The following SH3BP2 variants were observed in gnomAD, a reference collection of about 807,000 sequenced individuals.
SH3BP2 encodes SH3 domain binding protein 2, also known as SH3 domain-binding protein 2.
Under a neutral mutation model 56.2 loss-of-function variants are expected in SH3BP2, and 38 were observed. The ratio of observed to expected loss-of-function variants is 0.68; its 90% confidence interval spans 0.52 to 0.89. The LOEUF (loss-of-function observed/expected upper bound fraction) is 0.89, where lower values mean the gene tolerates loss of function less well. SH3BP2 is among the 40% of genes least tolerant of loss of function. The pLI, the probability that SH3BP2 is intolerant of heterozygous loss-of-function variation, is 0.00. For missense variants in SH3BP2, 748 were observed against 762.6 expected, an observed-to-expected ratio of 0.98 and a Z score of 0.23; for synonymous variants, 346 against 316.7, an observed-to-expected ratio of 1.09 and a Z score of -0.98.
At chr4:2,815,959 C>A (rs932555921) in intron 1 of SH3BP2, among the ~76,000 whole-genome samples, 3 of 152,122 alleles carry the variant, frequency 2.0e-5, no homozygotes, top group African/African-American at 7.2e-5. Flanking sequence ...TGAACTAACT[C>A]TTCCTTTCAT....
At chr4:2,814,038 C>T (rs1458826974) in intron 1 of SH3BP2, among the ~76,000 whole-genome samples, 1 of 152,232 alleles carries the variant, frequency 6.6e-6, no homozygotes, top group Non-Finnish European at 1.5e-5. Flanking sequence ...CCTGTGGTCA[C>T]ATGAGGTGCT....
chr4:2,812,595 C>T, intron 1 of SH3BP2: 3 of 1,326,904 alleles, frequency 2.3e-6, no homozygotes, highest in Non-Finnish European at 3.1e-6. Flanking sequence ...GCCGTGGGAG[C>T]CCACAGGAGG....
At chr4:2,815,374 C>T (rs1029527280) in intron 1 of SH3BP2, among the ~76,000 whole-genome samples, 6 of 152,206 alleles carry the variant, frequency 3.9e-5, no homozygotes, top group Admixed American at 2.6e-4. Context: ...GAGGGTGCCA[C>T]ATGACCTGCC....
rs550467503 is a variant in SH3BP2, at chr4:2,827,291, C to T, written c.490C>T (p.Leu164Phe). The part of the protein sequence containing the change: ...GAVERPVDIS[L>F]SPYPTDNEDY... ...AGTTGAGCGGCCTGTGGATATCAGC[C>T]TTTCCCCGTACCCCACGGACAATGA... Residue 164 changes from leucine to phenylalanine, a missense_variant, in exon 6 of 13, where the codon CTT becomes TTT. By Grantham distance (22) the Leu-to-Phe change is conservative. Coordinates refer to ENST00000503393, the MANE Select transcript of SH3BP2 (RefSeq NM_001122681.2). The T allele has an allele frequency of 1.9e-6, 3 of 1,614,206 alleles. No individual in the cohort carries two copies. The South Asian group carries it at 3.3e-5, about 18-fold the overall frequency.
chr4:2,802,143 A>C (rs1405929361), intron 1 of SH3BP2, among the ~76,000 whole-genome samples: 1 of 150,690 alleles, frequency 6.6e-6, no homozygotes. Context: ...TCACACTTGT[A>C]ATCCCAGCAC....
intron 3 of SH3BP2, among the ~76,000 whole-genome samples, 199 bp from the exon 4 acceptor site, chr4:2,824,414 C>A (rs923271048): frequency 6.6e-6 from 1 of 152,164 alleles, no homozygotes; most frequent in African/African-American, 2.4e-5. Context: ...CACCCCTCTT[C>A]CATGCCCCTC....
chr4:2,802,402 ATATGTGTGTGTGTGTGTG>A (rs1443330863), intron 1 of SH3BP2, among the ~76,000 whole-genome samples: 1 of 100,428 alleles, frequency 1.0e-5, no homozygotes, highest in African/African-American at 3.2e-5. Context: ...TCAAAAAAAT[ATATGTGTGTGTGTGTGTG>A]TGTGTGTGTG....
At position 2,840,231 on chromosome 4, in the gene SH3BP2, A is replaced by C. The variant is rs1725372412; in HGVS notation, c.*6397A>C. On this transcript the variant is annotated 3_prime_UTR_variant, in exon 13 of 13. Transcript: ENST00000503393. ...CAGAGTGAGACCCTATCTCAAAAAA[A>C]ACCAAAAAAAAAAAAAAAAAAAAGA... is the stretch of plus-strand genomic sequence containing the variant. 3 of 143,886 alleles carry C rather than the reference A, an allele frequency of 2.1e-5. No homozygotes were observed. Among genetic ancestry groups the C allele is most frequent in the South Asian group, 4.8e-4 (2 of 4,164 alleles). The allele number at this position is 143,886 out of a possible 1,614,324, so 8.9% of individuals were successfully genotyped here.
intron 1 of SH3BP2, among the ~76,000 whole-genome samples, chr4:2,797,277 G>A (rs533391827): frequency 1.3e-5 from 2 of 152,294 alleles, no homozygotes; most frequent in South Asian, 4.1e-4. Context: ...GGCGGTCCTT[G>A]GCTTTTTCTC....
Position 2,831,844 on chromosome 4 carries a change from C to G in SH3BP2, c.1351-79C>G. 1.3e-6 allele frequency: 2 copies of G among 1,516,342 alleles called. No homozygotes were observed. The highest frequency in any genetic ancestry group is 3.5e-5 in the Admixed American group (2 of 57,642). The allele number at this position is 1,516,342 out of a possible 1,614,324, so 93.9% of individuals were successfully genotyped here. A position where few individuals can be genotyped will look rare whatever the true frequency, so the allele number is the denominator to read the frequency against. ...CCATGTAAAGCCCCGGATCCCGGCA[C>G]CGGGTGGCCACCGTCCGGGGAGTGG... is the stretch of plus-strand genomic sequence containing the variant. On this transcript the variant is annotated intron_variant, in intron 9 of 12. Transcript: ENST00000503393. This position sits in a 1 kb window ranked among gnomAD's most constrained non-coding sequence, Gnocchi z 4.1.
At position 2,825,257 on chromosome 4, in the gene SH3BP2, C is replaced by G. The variant is rs184083066; in HGVS notation, c.428+61C>G. On this transcript the variant is annotated intron_variant, in intron 5 of 12. Coordinates refer to ENST00000503393, the MANE Select transcript of SH3BP2 (RefSeq NM_001122681.2). ...GTCCCTGGGGCGCCTGGGCCTGACC[C>G]GGGTGTCCGCCTCCCAGCCCCGGGC... 13 of 1,355,772 alleles carry G rather than the reference C, an allele frequency of 9.6e-6. No homozygotes were observed. In the South Asian group the frequency reaches 1.6e-4, roughly 17 times the overall value. 84.0% of individuals were successfully genotyped at this position (1,355,772 alleles called of 1,614,324 possible).
intron 1 of SH3BP2, chr4:2,818,166 G>T (rs1724087673): frequency 2.1e-6 from 2 of 972,150 alleles, no homozygotes; most frequent in Middle Eastern, 5.2e-4. Flanking sequence ...TCACCTGCCC[G>T]CCCAGTCCCC....
intron 11 of SH3BP2, 150 bp downstream of exon 11, chr4:2,832,562 C>T: frequency 2.8e-6 from 2 of 721,408 alleles, no homozygotes; most frequent in South Asian, 2.9e-5. Context: ...GCAGCACCCC[C>T]CAATCTATTC....
At chr4:2,817,575 G>A (rs915274124) in intron 1 of SH3BP2, among the ~76,000 whole-genome samples, 2 of 152,230 alleles carry the variant, frequency 1.3e-5, no homozygotes, top group Non-Finnish European at 2.9e-5. Context: ...TTTGCAGGTG[G>A]AAGATGGAGG....
In SH3BP2 at chr4:2,822,928, C is replaced by T. The variant is rs767584072; in HGVS notation, c.137-7C>T. ...GCTCACCTTCCTGCCCTTGCCACCT[C>T]CCACAGGGCCCCTGCGCTTTGTCAT... is the stretch of plus-strand genomic sequence containing the variant. On this transcript the variant is annotated splice_polypyrimidine_tract_variant and splice_region_variant and intron_variant, in intron 2 of 12. Coordinates refer to ENST00000503393, the MANE Select transcript of SH3BP2 (RefSeq NM_001122681.2). 1.2e-6 allele frequency: 2 copies of T among 1,612,614 alleles called. No homozygotes were observed. The highest frequency in any genetic ancestry group is 1.7e-5 in the Admixed American group (1 of 59,970).
At chr4:2,821,062 C>G (rs570577247) in intron 2 of SH3BP2, among the ~76,000 whole-genome samples, 2 of 152,278 alleles carry the variant, frequency 1.3e-5, no homozygotes, top group East Asian at 1.9e-4. Flanking sequence ...TCACTGAATC[C>G]GTGAATGTTC....
chr4:2,831,580 C>A lies in SH3BP2; in HGVS notation c.1251C>A (p.Pro417=). 6.3e-7 allele frequency: 1 copy of A among 1,586,538 alleles called. No individual in the cohort carries two copies. The highest frequency in any genetic ancestry group is 8.6e-7 in the Non-Finnish European group (1 of 1,165,622). Residue 417 remains proline (P), a synonymous_variant, in exon 9 of 13, where the codon CCC becomes CCA. Transcript: ENST00000503393. This position sits in a 1 kb window ranked among gnomAD's most constrained non-coding sequence, Gnocchi z 4.1. The stretch of plus-strand genomic sequence containing the variant: ...CTCCCTGCCCCTCCAGGCGATCACC[C>A]CCCGATGGGCAGAGTTTCAGGAGCT... ...KPQLPHLQRS[P]PDGQSFRSFS...
chr4:2,802,404 A>ATATGTGTGTGTG (rs1265150804), intron 1 of SH3BP2, among the ~76,000 whole-genome samples: 5 of 135,976 alleles, frequency 3.7e-5, no homozygotes, highest in South Asian at 2.4e-4. Flanking sequence ...AAAAAAATAT[A>ATATGTGTGTGTG]TGTGTGTGTG....
chr4:2,803,773 C>T (rs563118715), intron 1 of SH3BP2, among the ~76,000 whole-genome samples: 8 of 152,276 alleles, frequency 5.3e-5, no homozygotes, highest in Admixed American at 2.0e-4. Flanking sequence ...TCTATGTAAT[C>T]CCATGCTTGG....
Sources: allele counts gnomAD v4.1 joint callset (sites outside exome capture counted in the v4.1 genomes callset), GRCh38; gene constraint gnomAD v4.1.1; non-coding constraint Gnocchi (gnomAD v3.1); transcripts MANE v1.5; gene names NCBI Gene and HGNC (gene_info 2026-07-23, HGNC 2026-07-21).